The following CDIN1 variants were observed in gnomAD, a reference collection of about 807,000 sequenced individuals.
CDIN1 encodes the protein CDAN1-interacting nuclease 1.
Under a neutral mutation model 45.3 loss-of-function variants are expected in CDIN1, and 33 were observed. The observed-to-expected ratio is 0.73, with a 90% CI of 0.55 to 0.97. CDIN1 has a LOEUF of 0.97. Among genes scored for constraint, CDIN1 ranks in the 50% least tolerant of loss-of-function variants. The pLI, the probability that CDIN1 is intolerant of heterozygous loss-of-function variation, is 0.00. For missense variants in CDIN1, 303 were observed against 339.4 expected (o/e 0.89, Z 0.84); for synonymous variants, 118 against 124.4 (o/e 0.95, Z 0.34).
intron 7 of CDIN1, among the ~76,000 whole-genome samples, chr15:36,696,687 C>T (rs536791138): frequency 1.3e-5 from 2 of 152,140 alleles, no homozygotes; most frequent in African/African-American, 4.8e-5. Flanking sequence ...GTTATAGGCG[C>T]AAGCCACCTT....
chr15:36,739,410 G>GCAAAACAAAACAAAACAAAACAAAA (rs139738188), intron 10 of CDIN1, among the ~76,000 whole-genome samples: 4 of 150,946 alleles, frequency 2.6e-5, no homozygotes, highest in African/African-American at 9.8e-5. Context: ...GTCTCTAAAT[G>GCAAAACAAAACAAAACAAAACAAAA]CAAAACAAAA....
chr15:36,762,683 A>C (rs560056680), intron 10 of CDIN1, among the ~76,000 whole-genome samples: 3 of 147,136 alleles, frequency 2.0e-5, no homozygotes. Context: ...GTGATGTTGC[A>C]CTTTCTGGTC....
intron 1 of CDIN1, among the ~76,000 whole-genome samples, chr15:36,601,454 T>C (rs186792644): frequency 6.6e-6 from 1 of 152,342 alleles, no homozygotes; most frequent in Admixed American, 6.5e-5. Context: ...TTGGCATGGA[T>C]ATTTTTGCAA....
intron 10 of CDIN1, among the ~76,000 whole-genome samples, chr15:36,788,068 T>A (rs2054536083): frequency 1.0e-5 from 1 of 96,514 alleles, no homozygotes; most frequent in Non-Finnish European, 2.1e-5. Flanking sequence ...ATGACGATAA[T>A]TTTATACATA....
chr15:36,688,100 T>C (rs2042123662), intron 5 of CDIN1, among the ~76,000 whole-genome samples: 1 of 151,802 alleles, frequency 6.6e-6, no homozygotes, highest in Non-Finnish European at 1.5e-5. Context: ...AAAAGAGTAA[T>C]GTGGCAAACT....
chr15:36,595,655 G>C (rs936556891), intron 1 of CDIN1, among the ~76,000 whole-genome samples: 2 of 152,180 alleles, frequency 1.3e-5, no homozygotes, highest in Non-Finnish European at 2.9e-5. Context: ...GGACTGATCA[G>C]CTCTGAAGCA....
chr15:36,803,839 G>T (rs926536879), intron 10 of CDIN1, among the ~76,000 whole-genome samples: 1 of 152,194 alleles, frequency 6.6e-6, no homozygotes, highest in African/African-American at 2.4e-5. Context: ...TCCTTTGGTT[G>T]ACTTTCAAAC....
At chr15:36,601,405 AC>A (rs1025587733) in intron 1 of CDIN1, among the ~76,000 whole-genome samples, 3 of 152,126 alleles carry the variant, frequency 2.0e-5, no homozygotes, top group Admixed American at 6.5e-5. Flanking sequence ...TGTAATACTT[AC>A]CACCCTTGAC....
chr15:36,771,922 A>G (rs978407118), intron 10 of CDIN1, among the ~76,000 whole-genome samples: 3 of 74,826 alleles, frequency 4.0e-5, no homozygotes, highest in Non-Finnish European at 9.7e-5. Flanking sequence ...TGTGAGACTC[A>G]GTCTCAAAAA....
chr15:36,774,133 G>GGTGTGTGTGTGT (rs761451923), intron 10 of CDIN1, among the ~76,000 whole-genome samples: 2,203 of 138,668 alleles, frequency 0.016, 67 homozygotes, highest in African/African-American at 0.056. Flanking sequence ...AACTGACAGG[G>GGTGTGTGTGTGT]GTGTGTGTGT....
intron 10 of CDIN1, among the ~76,000 whole-genome samples, chr15:36,794,042 T>C (rs1739821640): frequency 6.8e-6 from 1 of 147,458 alleles, no homozygotes; most frequent in Admixed American, 6.9e-5. Context: ...CACATAATAT[T>C]AAATATGCCA....
rs550097623 is a variant in CDIN1, at chr15:36,697,368, A to G, written c.522A>G (p.Leu174=). Reference sequence around the variant, plus strand: ...AGGTCCTGCTGAGAGACTTGCTTCTAGAGAAAAACCTGTCCTTCCTAGGTA... The same window carrying G: ...AGGTCCTGCTGAGAGACTTGCTTCTGGAGAAAAACCTGTCCTTCCTAGGTA... ...EHEVLLRDLL[L]EKNLSFLDED... The change falls in exon 8 of 11, where the codon CTA becomes CTG. Residue 174 remains leucine (L), a synonymous_variant. Coordinates refer to ENST00000566621, the MANE Select transcript of CDIN1 (RefSeq NM_001321759.2). The G allele has an allele frequency of 1.2e-4, 201 of 1,612,444 alleles. 2 individuals are homozygous for G. The South Asian group carries it at 2.1e-3, about 17-fold the overall frequency.
intron 1 of CDIN1, among the ~76,000 whole-genome samples, chr15:36,625,767 C>G (rs1420617320): frequency 1.3e-5 from 2 of 152,178 alleles, no homozygotes; most frequent in African/African-American, 2.4e-5. Flanking sequence ...ATCATCAACT[C>G]TCAGTATGGC....
intron 5 of CDIN1, among the ~76,000 whole-genome samples, chr15:36,686,951 T>G (rs1308110224): frequency 1.9e-5 from 2 of 104,434 alleles, no homozygotes; most frequent in Non-Finnish European, 3.6e-5. Context: ...AAGGAAAAGA[T>G]AGGAAGGAAG....
chr15:36,684,976 C>G (rs2041988290), intron 5 of CDIN1, among the ~76,000 whole-genome samples: 1 of 151,578 alleles, frequency 6.6e-6, no homozygotes, highest in African/African-American at 2.4e-5. Flanking sequence ...CTCTTTTTTT[C>G]TTTATTAGTC....
intron 10 of CDIN1, among the ~76,000 whole-genome samples, chr15:36,739,528 A>C (rs916351137): frequency 6.6e-6 from 1 of 152,230 alleles, no homozygotes; most frequent in Non-Finnish European, 1.5e-5. Flanking sequence ...GAGAAATAAT[A>C]CCAACTTAAA....
chr15:36,618,464 C>T, intron 1 of CDIN1: 1 of 1,034,970 alleles, frequency 9.7e-7, no homozygotes, highest in Admixed American at 1.7e-5. Context: ...ATGTCAATCT[C>T]AAGACCTCAT....
intron 10 of CDIN1, among the ~76,000 whole-genome samples, chr15:36,721,522 A>G (rs2043415963): frequency 6.6e-6 from 1 of 152,168 alleles, no homozygotes. Context: ...AATTGCATGG[A>G]GATCAGAGAA....
intron 1 of CDIN1, among the ~76,000 whole-genome samples, chr15:36,604,282 T>G (rs1388369830): frequency 2.0e-5 from 3 of 152,102 alleles, no homozygotes; most frequent in Non-Finnish European, 4.4e-5. Context: ...GGCTTTTTTT[T>G]TTTTATAATT....
Sources: allele counts gnomAD v4.1 joint callset (sites outside exome capture counted in the v4.1 genomes callset), GRCh38; gene constraint gnomAD v4.1.1; transcripts MANE v1.5; gene names NCBI Gene and HGNC (gene_info 2026-07-23, HGNC 2026-07-21).